The following GRIN2B variants were observed in gnomAD, a reference collection of about 807,000 sequenced individuals.
The protein encoded by GRIN2B is glutamate receptor ionotropic, NMDA 2B.
GRIN2B carries 5 observed loss-of-function variants against 114.5 expected under a neutral mutation model. The observed-to-expected ratio is 0.04, with a 90% CI of 0.02 to 0.09. The LOEUF is 0.09. GRIN2B is among the 10% of genes least tolerant of loss of function. The pLI, the probability that GRIN2B is intolerant of heterozygous loss-of-function variation, is 1.00. For synonymous variants in GRIN2B, 787 were observed against 745.1 expected (o/e 1.06, Z -0.92); for missense variants, 1,108 against 1,943.5 (o/e 0.57, Z 8.08).
chr12:13,792,234 G>A (rs1161608339), intron 3 of GRIN2B, among the ~76,000 whole-genome samples: 2 of 152,242 alleles, frequency 1.3e-5, no homozygotes, highest in Non-Finnish European at 2.9e-5. Flanking sequence ...AAACTAAAGG[G>A]ATGGGCTCTG....
chr12:13,590,622 C>A (rs1434877703), intron 10 of GRIN2B, among the ~76,000 whole-genome samples: 2 of 152,106 alleles, frequency 1.3e-5, no homozygotes, highest in African/African-American at 4.8e-5. Flanking sequence ...TGTGTAAGTG[C>A]CACATTTTCT....
intron 3 of GRIN2B, among the ~76,000 whole-genome samples, chr12:13,787,254 C>T (rs1864237545): frequency 6.6e-6 from 1 of 152,130 alleles, no homozygotes; most frequent in South Asian, 2.1e-4. Flanking sequence ...CAGTGGAATT[C>T]CCCAACTCTT....
intron 2 of GRIN2B, among the ~76,000 whole-genome samples, chr12:13,953,477 C>T (rs991314638): frequency 2.0e-5 from 3 of 152,168 alleles, no homozygotes; most frequent in African/African-American, 7.2e-5. Context: ...TCCCCCATCC[C>T]TTCTCTTTAC....
At chr12:13,612,060 C>T (rs765716142) in intron 8 of GRIN2B, among the ~76,000 whole-genome samples, 44 of 152,208 alleles carry the variant, frequency 2.9e-4, no homozygotes, top group Non-Finnish European at 4.3e-4. Flanking sequence ...AGAAGGACAG[C>T]TTCATGCCCG....
chr12:13,626,820 ACCCTCCC>A (rs1949573588), intron 5 of GRIN2B, among the ~76,000 whole-genome samples: 3 of 39,178 alleles, frequency 7.7e-5, no homozygotes, highest in African/African-American at 3.0e-4. Context: ...CCTCCCCCCC[ACCCTCCC>A]CCCTCCCCCC....
intron 4 of GRIN2B, among the ~76,000 whole-genome samples, chr12:13,739,966 C>T (rs1276830876): frequency 6.6e-6 from 1 of 152,154 alleles, no homozygotes; most frequent in Non-Finnish European, 1.5e-5. Context: ...GGGAAGGGGA[C>T]TCTGGTCTAT....
intron 2 of GRIN2B, among the ~76,000 whole-genome samples, chr12:13,964,989 A>C (rs1379346846): frequency 6.6e-6 from 1 of 152,218 alleles, no homozygotes; most frequent in Non-Finnish European, 1.5e-5. Context: ...AGAACCACAT[A>C]GCATCTTTGG....
intron 10 of GRIN2B, among the ~76,000 whole-genome samples, chr12:13,579,886 T>A (rs965625045): frequency 6.6e-6 from 1 of 152,188 alleles, no homozygotes; most frequent in African/African-American, 2.4e-5. Context: ...AGAAGGAGGC[T>A]GAATTGAAGC....
At chr12:13,826,896 T>C (rs1008286517) in intron 3 of GRIN2B, among the ~76,000 whole-genome samples, 4 of 152,076 alleles carry the variant, frequency 2.6e-5, no homozygotes, top group Non-Finnish European at 4.4e-5. Context: ...AAATGTACCA[T>C]TGACTAATTA....
chr12:13,902,488 T>C (rs1409080978), intron 2 of GRIN2B, among the ~76,000 whole-genome samples: 2 of 152,166 alleles, frequency 1.3e-5, no homozygotes, highest in Non-Finnish European at 2.9e-5. Context: ...TATCATCTCT[T>C]TTTTCATTTT....
chr12:13,885,138 G>A (rs1212030198), intron 2 of GRIN2B, among the ~76,000 whole-genome samples: 1 of 151,984 alleles, frequency 6.6e-6, no homozygotes, highest in Non-Finnish European at 1.5e-5. Context: ...AGTTGGAGAG[G>A]AAAATTGTGC....
intron 3 of GRIN2B, among the ~76,000 whole-genome samples, chr12:13,840,695 T>C (rs1865363569): frequency 6.6e-6 from 1 of 152,178 alleles, no homozygotes; most frequent in African/African-American, 2.4e-5. Context: ...CTTTCTACCT[T>C]TTACCTGTCT....
intron 5 of GRIN2B, among the ~76,000 whole-genome samples, chr12:13,624,750 C>A (rs1045506898): frequency 1.3e-5 from 2 of 152,318 alleles, no homozygotes; most frequent in Non-Finnish European, 2.9e-5. Context: ...ACTGAGACAT[C>A]CATTGCCATC....
At chr12:13,724,629 A>G (rs1255135956) in intron 4 of GRIN2B, among the ~76,000 whole-genome samples, 3 of 152,062 alleles carry the variant, frequency 2.0e-5, no homozygotes, top group East Asian at 3.9e-4. Flanking sequence ...TGATTACCTG[A>G]CTCTGTCCTA....
At chr12:13,605,489 A>G (rs1949229083) in intron 10 of GRIN2B, among the ~76,000 whole-genome samples, 1 of 148,630 alleles carries the variant, frequency 6.7e-6, no homozygotes. Flanking sequence ...AGCTGGGGTC[A>G]CAGTGGAAAT....
At chr12:13,679,759 T>A (rs1950110951) in intron 4 of GRIN2B, among the ~76,000 whole-genome samples, 1 of 152,078 alleles carries the variant, frequency 6.6e-6, no homozygotes, top group African/African-American at 2.4e-5. Context: ...AACAAACCCA[T>A]CCATTCACTG....
chr12:13,615,103 C>T lies in GRIN2B; in HGVS notation c.1654+11G>A, dbSNP rs2136479274. 1 of 1,608,958 alleles carries T rather than the reference C, an allele frequency of 6.2e-7. No homozygotes were observed. The highest frequency in any genetic ancestry group is 8.5e-7 in the Non-Finnish European group (1 of 1,175,314). On this transcript the variant is annotated intron_variant, in intron 8 of 13. Coordinates refer to ENST00000609686, the MANE Select transcript of GRIN2B (RefSeq NM_000834.5). The surrounding 1 kb of genome is among the most constrained non-coding windows in gnomAD (Gnocchi z 5.8). ...CGTCCATTTCCTTCCACCAGCAAAC[C>T]CATCATTTACCTAAGAAGGCAGAAG...
At chr12:13,633,089 T>C (rs1284759648) in intron 5 of GRIN2B, among the ~76,000 whole-genome samples, 1 of 152,154 alleles carries the variant, frequency 6.6e-6, no homozygotes, top group Non-Finnish European at 1.5e-5. Flanking sequence ...TCTGGCTTCA[T>C]GGGAAAGGGA....
At chr12:13,956,774 T>G (rs1419557376) in intron 2 of GRIN2B, among the ~76,000 whole-genome samples, 1 of 152,182 alleles carries the variant, frequency 6.6e-6, no homozygotes, top group Non-Finnish European at 1.5e-5. Flanking sequence ...TTTACGTGGA[T>G]GAATAGCATC....
Sources: gnomAD v4.1 joint callset for allele counts (sites outside exome capture counted in the v4.1 genomes callset) on GRCh38, gnomAD v4.1.1 for gene constraint, Gnocchi (gnomAD v3.1) non-coding constraint, MANE v1.5 for transcripts, NCBI Gene and HGNC (gene_info 2026-07-23, HGNC 2026-07-21) for gene names.